Variants in MUCL1 observed in about 807,000 individuals in gnomAD.
The protein encoded by MUCL1 is mucin-like protein 1.
A neutral mutation model predicts 9.2 loss-of-function variants in MUCL1; 11 were observed. That is an observed-to-expected ratio of 1.19 (90% CI 0.75 to 1.97). The LOEUF (loss-of-function observed/expected upper bound fraction) is 1.97. Among genes scored for constraint, MUCL1 ranks in the 30% most tolerant of loss-of-function variants. MUCL1 has a pLI of 0.00. For missense variants in MUCL1, 144 were observed against 110.9 expected (o/e 1.30, Z -1.34); for synonymous variants, 48 against 40.5 (o/e 1.19, Z -0.71).
upstream of MUCL1, among the ~76,000 whole-genome samples, chr12:54,838,211 T>A (rs1270208758): frequency 6.6e-6 from 1 of 152,218 alleles, no homozygotes; most frequent in African/African-American, 2.4e-5. Context: ...TGATACAGAA[T>A]TCTTTGCTAA....
upstream of MUCL1, among the ~76,000 whole-genome samples, chr12:54,835,384 G>A (rs1392318598): frequency 1.3e-5 from 2 of 152,074 alleles, no homozygotes; most frequent in African/African-American, 4.8e-5. Flanking sequence ...CAGTGTGTAA[G>A]CATCCCCTTT....
chr12:54,834,946 A>G (rs995530511), upstream of MUCL1, among the ~76,000 whole-genome samples: 4 of 152,018 alleles, frequency 2.6e-5, no homozygotes, highest in African/African-American at 9.7e-5. Context: ...GCCACTCTGT[A>G]TGCCTTTGCA....
At chr12:54,858,170 G>A in intron 3 of MUCL1, 23 bp from the exon 4 acceptor site, 1 of 1,613,030 alleles carries the variant, frequency 6.2e-7, no homozygotes, top group Admixed American at 1.7e-5. Context: ...GAAGCCCCTT[G>A]ACAATATTTT....
intron 1 of MUCL1, among the ~76,000 whole-genome samples, chr12:54,831,767 C>T (rs1228877845): frequency 6.6e-6 from 1 of 152,014 alleles, no homozygotes; most frequent in Non-Finnish European, 1.5e-5. Context: ...ATTTTTGTCA[C>T]ATTGAAAAAT....
At position 54,856,817 on chromosome 12, in the gene MUCL1, G is replaced by A. The variant is rs200915552; in HGVS notation, c.148G>A (p.Ala50Thr). 1.9e-6 allele frequency: 3 copies of A among 1,612,292 alleles called. No homozygotes were observed. The highest frequency in any genetic ancestry group is 1.7e-4 in the Middle Eastern group (1 of 6,042). The part of the protein sequence containing the change: ...EAPDAETTAA[A>T]TTATTAAPTT... Reference sequence around the variant, plus strand: ...CCCTGATGCTGAAACCACTGCTGCTGCAACCACTGCAACCACTGCTGCTCC... The same window carrying A: ...CCCTGATGCTGAAACCACTGCTGCTACAACCACTGCAACCACTGCTGCTCC... The change falls in exon 3 of 4, where the codon GCA (alanine) becomes ACA (threonine). Residue 50 changes from alanine (A) to threonine (T), a missense_variant. Ala to Thr is a moderately conservative substitution (Grantham distance 58, BLOSUM62 0). Coordinates refer to ENST00000308796, the MANE Select transcript of MUCL1 (RefSeq NM_058173.3).
At chr12:54,854,027 A>C (rs1331226080), upstream of MUCL1, among the ~76,000 whole-genome samples, 1 of 152,060 alleles carries the variant, frequency 6.6e-6, no homozygotes. Flanking sequence ...TGACCTAATT[A>C]CATGTTCAGG....
chr12:54,834,117 G>A (rs1959189180), intron 1 of MUCL1, among the ~76,000 whole-genome samples: 1 of 152,014 alleles, frequency 6.6e-6, no homozygotes, highest in Non-Finnish European at 1.5e-5. Flanking sequence ...CAGGGTTAGT[G>A]CTTTGATTTT....
upstream of MUCL1, among the ~76,000 whole-genome samples, chr12:54,835,226 T>G (rs1468147209): frequency 6.6e-6 from 1 of 152,158 alleles, no homozygotes; most frequent in Non-Finnish European, 1.5e-5. Context: ...TATACACGTA[T>G]GTGTCTTTTT....
chr12:54,834,031 A>T (rs1959189077), intron 1 of MUCL1, among the ~76,000 whole-genome samples: 1 of 152,150 alleles, frequency 6.6e-6, no homozygotes, highest in African/African-American at 2.4e-5. Context: ...ATACCCTCTG[A>T]ATGCGTGGCT....
At position 54,855,222 on chromosome 12, in the gene MUCL1, C is replaced by T. The variant is rs371961959; in HGVS notation, c.100+65C>T. The T allele has an allele frequency of 2.8e-5, 39 of 1,409,052 alleles. No individual in the cohort carries two copies. The African/African-American group carries it at 5.2e-4, about 19-fold the overall frequency. 87.3% of individuals were successfully genotyped at this position (1,409,052 alleles called of 1,614,324 possible). ...CCATTTTTCACTTCCAGCCTCATGT[C>T]AAACAGCCAGTTTCCATGTGGATAG... On this transcript the variant is annotated intron_variant, in intron 2 of 3. Transcript: ENST00000308796.
intron 1 of MUCL1, among the ~76,000 whole-genome samples, chr12:54,848,644 C>A (rs145746797): frequency 1.6e-3 from 241 of 152,116 alleles, no homozygotes; most frequent in Middle Eastern, 6.8e-3. Flanking sequence ...ATATGTAAAT[C>A]ATGGAAGAGG....
At chr12:54,831,980 A>G (rs67970496) in intron 1 of MUCL1, among the ~76,000 whole-genome samples, 12,643 of 152,120 alleles carry the variant, frequency 0.083, 805 homozygotes, top group African/African-American at 0.18. Flanking sequence ...CTTCATCAAA[A>G]GTTTTCAGGG....
chr12:54,856,814 G>A lies in MUCL1; in HGVS notation c.145G>A (p.Ala49Thr). 5 of 1,613,044 alleles carry A rather than the reference G, an allele frequency of 3.1e-6. No homozygotes were observed. Among genetic ancestry groups the A allele is most frequent in the Non-Finnish European group, 4.2e-6 (5 of 1,179,410 alleles). Reference protein sequence around the residue: ...DEAPDAETTAAATTATTAAPT... With the variant: ...DEAPDAETTATATTATTAAPT... ...AGCCCCTGATGCTGAAACCACTGCT[G>A]CTGCAACCACTGCAACCACTGCTGC... The change falls in exon 3 of 4, where the codon GCT (alanine) becomes ACT (threonine). Residue 49 changes from alanine to threonine, a missense_variant. Transcript: ENST00000308796.
At chr12:54,852,718 C>T (rs569007429), upstream of MUCL1, among the ~76,000 whole-genome samples, 3 of 152,178 alleles carry the variant, frequency 2.0e-5, no homozygotes, top group South Asian at 2.1e-4. Context: ...AATAAGTAAC[C>T]GTCTCCTAGA....
At chr12:54,848,509 A>C (rs974774558) in intron 1 of MUCL1, among the ~76,000 whole-genome samples, 15 of 152,236 alleles carry the variant, frequency 9.9e-5, no homozygotes, top group Non-Finnish European at 2.1e-4. Context: ...ATTGTGAATA[A>C]AATTAAAATG....
chr12:54,840,924 C>T (rs1363434484), intron 1 of MUCL1, among the ~76,000 whole-genome samples: 1 of 152,204 alleles, frequency 6.6e-6, no homozygotes, highest in Non-Finnish European at 1.5e-5. Context: ...GAACTCAAAA[C>T]TGCCCCATGC....
upstream of MUCL1, among the ~76,000 whole-genome samples, chr12:54,850,038 A>G (rs1959313283): frequency 6.6e-6 from 1 of 152,170 alleles, no homozygotes; most frequent in African/African-American, 2.4e-5. Flanking sequence ...TCTGCCACCC[A>G]GAGGGCTGCT....
chr12:54,832,579 T>C (rs1959186863), intron 1 of MUCL1, among the ~76,000 whole-genome samples: 1 of 152,140 alleles, frequency 6.6e-6, no homozygotes, highest in Non-Finnish European at 1.5e-5. Context: ...CATGGTGGCC[T>C]GTGATCCTAC....
At chr12:54,845,412 G>A (rs1252982558) in intron 1 of MUCL1, among the ~76,000 whole-genome samples, 1 of 152,142 alleles carries the variant, frequency 6.6e-6, no homozygotes, top group East Asian at 1.9e-4. Context: ...ATAACAATGA[G>A]AGAGATAGGA....
Sources: gnomAD v4.1 joint callset for allele counts (sites outside exome capture counted in the v4.1 genomes callset) on GRCh38, gnomAD v4.1.1 for gene constraint, MANE v1.5 for transcripts, NCBI Gene and HGNC (gene_info 2026-07-23, HGNC 2026-07-21) for gene names.